The following ARPP21 variants were observed in gnomAD, a reference collection of about 807,000 sequenced individuals.
ARPP21 encodes cAMP-regulated phosphoprotein 21.
Under a neutral mutation model 113.2 loss-of-function variants are expected in ARPP21, and 69 were observed. The ratio of observed to expected loss-of-function variants is 0.61; its 90% CI spans 0.50 to 0.74. ARPP21 has a LOEUF of 0.74. ARPP21 is among the 30% of genes least tolerant of loss of function. The probability of loss-of-function intolerance (pLI) is 0.00; values close to 1 mark genes in which losing one functional copy is unlikely to be tolerated. For missense variants in ARPP21, 1,070 were observed against 1,037.4 expected (o/e 1.03, Z -0.43); for synonymous variants, 368 against 375.5 (o/e 0.98, Z 0.23).
rs1283400722 is a variant in ARPP21, at chr3:35,773,581, T to C, written c.2138-18801T>C. Reference sequence around the variant, plus strand: ...CTAGTCATGGATAGTAGGTATCAAATAGCAGCTCTCTCACACCTAGGTAAA... The same window carrying C: ...CTAGTCATGGATAGTAGGTATCAAACAGCAGCTCTCTCACACCTAGGTAAA... On this transcript the variant is annotated intron_variant, in intron 19 of 20. Transcript: ENST00000684406. 2.6e-5 allele frequency among the ~76,000 whole-genome samples: 4 copies of C among 152,172 alleles called. No individual in the cohort carries two copies. In the East Asian group the frequency reaches 7.7e-4, roughly 29 times the overall value.
At position 35,782,925 on chromosome 3, in the gene ARPP21, T is replaced by G. The variant is rs140826692; in HGVS notation, c.2138-9457T>G. On this transcript the variant is annotated intron_variant, in intron 19 of 20. Transcript: ENST00000684406. ...ATTCTTTTTCTTCCTGTCTGGCTGA[T>G]GTACCCATCACTAGCCTTGCTTTTA... Among the ~76,000 whole-genome samples the G allele has an allele frequency of 2.0e-3, 308 of 152,278 alleles. 1 individual carries two copies. The highest frequency in any genetic ancestry group is 6.8e-3 in the African/African-American group (282 of 41,574).
chr3:35,721,819 A>G lies in ARPP21; in HGVS notation c.1210A>G (p.Lys404Glu). ...CACTTCCAGTACTAGGAGTACCGGG[A>G]AGCTGTCCAAAGCAGGTAGTTAGTA... ...DSTSSTRSTG[K>E]LSKAGSESSS... The change falls in exon 14 of 21, where the codon AAG (lysine) becomes GAG (glutamate). Residue 404 changes from lysine to glutamate, a missense_variant. By Grantham distance (56) the Lys-to-Glu change is moderately conservative. Transcript: ENST00000684406. The G allele has an allele frequency of 6.2e-7, 1 of 1,604,576 alleles. No individual in the cohort carries two copies. Among genetic ancestry groups the G allele is most frequent in the Non-Finnish European group, 8.5e-7 (1 of 1,174,618 alleles).
intron 1 of ARPP21, among the ~76,000 whole-genome samples, chr3:35,641,945 A>G (rs745440162): frequency 1.4e-4 from 22 of 152,200 alleles, no homozygotes; most frequent in Non-Finnish European, 2.4e-4. Context: ...CATGTTTTAG[A>G]TTTATCCTCT....
intron 1 of ARPP21, among the ~76,000 whole-genome samples, chr3:35,677,510 T>G (rs2077824368): frequency 6.6e-6 from 1 of 151,990 alleles, no homozygotes. Context: ...TCATGGTAAA[T>G]AGTTTACAGC....
At chr3:35,700,035 C>T (rs1365917679) in intron 9 of ARPP21, among the ~76,000 whole-genome samples, 1 of 151,712 alleles carries the variant, frequency 6.6e-6, no homozygotes, top group Non-Finnish European at 1.5e-5. Flanking sequence ...ATTTTTTCTA[C>T]TCAAAAAATA....
intron 15 of ARPP21, among the ~76,000 whole-genome samples, chr3:35,731,500 G>A (rs746478312): frequency 1.3e-5 from 2 of 152,020 alleles, no homozygotes; most frequent in Non-Finnish European, 2.9e-5. Context: ...TGCATATATT[G>A]TATACTATAC....
At chr3:35,742,930 G>A (rs1166140001) in intron 18 of ARPP21, among the ~76,000 whole-genome samples, 1 of 152,166 alleles carries the variant, frequency 6.6e-6, no homozygotes, top group South Asian at 2.1e-4. Context: ...ATGAACTGAG[G>A]CAGGCAAAGA....
In ARPP21 at chr3:35,737,226, C is replaced by A. The variant is rs1180224054; in HGVS notation, c.1508C>A (p.Pro503His). 1 of 1,612,932 alleles carries A rather than the reference C, an allele frequency of 6.2e-7. No homozygotes were observed. The highest frequency in any genetic ancestry group is 1.3e-5 in the African/African-American group (1 of 74,908). The change falls in exon 16 of 21, where the codon CCC becomes CAC. Residue 503 changes from proline (P) to histidine (H), a missense_variant. By Grantham distance (77) the Pro-to-His change is moderately conservative. Transcript: ENST00000684406. ...PDGTPAIYNPPTSQQPLRSAM... is the reference protein window; with the variant it reads ...PDGTPAIYNPHTSQQPLRSAM... ...GGAACTCCTGCAATATACAACCCACCCACCAGTCAGCAGCCCCTGCGAAGC... is the reference window on the plus strand; with the variant it reads ...GGAACTCCTGCAATATACAACCCACACACCAGTCAGCAGCCCCTGCGAAGC...
intron 9 of ARPP21, among the ~76,000 whole-genome samples, chr3:35,702,759 A>G (rs1477230816): frequency 6.6e-6 from 1 of 151,856 alleles, no homozygotes; most frequent in Non-Finnish European, 1.5e-5. Context: ...TTAAAAGAAA[A>G]TGAGGTGGTA....
chr3:35,640,379 A>T lies in ARPP21; in HGVS notation c.-232A>T, dbSNP rs1314079309. ...ATCAAGGCACCAAGACGCAGGGGGG[A>T]TATCCACAGTTCGATCAAGGTAATA... On this transcript the variant is annotated 5_prime_UTR_variant, in exon 1 of 21. Transcript: ENST00000684406. 1.3e-5 allele frequency: 2 copies of T among 152,220 alleles called. No individual in the cohort carries two copies. 9.4% of individuals were successfully genotyped at this position (152,220 alleles called of 1,614,324 possible).
chr3:35,745,108 A>G (rs1294908856), intron 19 of ARPP21, among the ~76,000 whole-genome samples: 1 of 152,214 alleles, frequency 6.6e-6, no homozygotes, highest in Non-Finnish European at 1.5e-5. Context: ...GCACTGTATT[A>G]GTTTGGGGAA....
intron 1 of ARPP21, among the ~76,000 whole-genome samples, chr3:35,675,683 G>A (rs542554927): frequency 4.6e-5 from 7 of 152,000 alleles, no homozygotes; most frequent in Admixed American, 4.6e-4. Flanking sequence ...TGATTCTGGT[G>A]GAGGTGCAGG....
intron 15 of ARPP21, among the ~76,000 whole-genome samples, chr3:35,735,457 C>G (rs1008291350): frequency 6.6e-5 from 10 of 152,212 alleles, no homozygotes; most frequent in African/African-American, 2.4e-4. Context: ...ACTGATGATC[C>G]TTGGTTGTTC....
intron 19 of ARPP21, among the ~76,000 whole-genome samples, chr3:35,786,839 G>C (rs1416455700): frequency 4.6e-5 from 7 of 152,078 alleles, no homozygotes; most frequent in Non-Finnish European, 1.5e-5. Context: ...GGAGAAGTTG[G>C]AGGCAGGAAC....
chr3:35,767,929 C>T (rs982365609), intron 19 of ARPP21, among the ~76,000 whole-genome samples: 15 of 152,070 alleles, frequency 9.9e-5, no homozygotes, highest in Non-Finnish European at 2.9e-5. Context: ...CCATCATCCC[C>T]ATCATTCAGG....
intron 19 of ARPP21, among the ~76,000 whole-genome samples, chr3:35,771,888 A>G (rs1021671603): frequency 2.0e-5 from 3 of 152,236 alleles, no homozygotes; most frequent in Non-Finnish European, 4.4e-5. Flanking sequence ...TATTATGTTC[A>G]GATCAAGAGT....
intron 19 of ARPP21, among the ~76,000 whole-genome samples, chr3:35,755,279 A>G (rs1046552351): frequency 1.3e-5 from 2 of 151,868 alleles, no homozygotes; most frequent in Non-Finnish European, 1.5e-5. Flanking sequence ...CACATTTAAA[A>G]CAAACAAACA....
intron 18 of ARPP21, among the ~76,000 whole-genome samples, chr3:35,742,072 T>C (rs1353303871): frequency 6.6e-6 from 1 of 152,244 alleles, no homozygotes; most frequent in Non-Finnish European, 1.5e-5. Context: ...GCTGTACTTT[T>C]ATTGTAACCA....
intron 19 of ARPP21, among the ~76,000 whole-genome samples, chr3:35,749,450 A>AT (rs2095320077): frequency 6.7e-6 from 1 of 150,212 alleles, no homozygotes; most frequent in Non-Finnish European, 1.5e-5. Context: ...AAAAAAAAAA[A>AT]GGAACTTATA....
Sources: gnomAD v4.1 joint callset for allele counts (sites outside exome capture counted in the v4.1 genomes callset) on GRCh38, gnomAD v4.1.1 for gene constraint, MANE v1.5 for transcripts, NCBI Gene and HGNC (gene_info 2026-07-23, HGNC 2026-07-21) for gene names.